Variants in AIM2 observed in about 807,000 individuals in gnomAD.
AIM2 encodes absent in melanoma 2, also known as interferon-inducible protein AIM2.
In AIM2, 30 loss-of-function variants were observed where a neutral mutation model predicts 27.7. The ratio of observed to expected loss-of-function variants is 1.08; its 90% confidence interval spans 0.81 to 1.47. The LOEUF (loss-of-function observed/expected upper bound fraction) is 1.47. Among genes scored for constraint, AIM2 ranks in the 40% most tolerant of loss-of-function variants. The probability of loss-of-function intolerance (pLI) is 0.00; values close to 1 mark genes in which losing one functional copy is unlikely to be tolerated. For missense variants in AIM2, 358 were observed against 411.3 expected (o/e 0.87, Z 1.12); for synonymous variants, 141 against 145.3 (o/e 0.97, Z 0.21).
At chr1:159,094,129 AT>A (rs1308333176) in intron 1 of AIM2, among the ~76,000 whole-genome samples, 1 of 152,222 alleles carries the variant, frequency 6.6e-6, no homozygotes, top group East Asian at 1.9e-4. Flanking sequence ...AAGACACAAA[AT>A]TTAGTCGTAA....
At chr1:159,056,859 G>T in the AIM2 span, among the ~76,000 whole-genome samples, 1 of 151,772 alleles carries the variant, frequency 6.6e-6, no homozygotes, top group Non-Finnish European at 1.5e-5. Flanking sequence ...TGCATCTGAC[G>T]GGAGTGTCCC....
chr1:159,146,458 C>T (rs1160756683), intron 1 of AIM2, among the ~76,000 whole-genome samples: 5 of 152,074 alleles, frequency 3.3e-5, no homozygotes, highest in Non-Finnish European at 7.4e-5. Flanking sequence ...CTCCTTCTTC[C>T]TTGGGGTATA....
chr1:159,066,089 A>AAT lies in AIM2; in HGVS notation c.635_636dup (p.Tyr213IlefsTer8), dbSNP rs765563535. ...ACCTCTAAGAAACCACTGTGCCGAT[A>AAT]ATATCTTGCTATTATAATTATTCTC... is the stretch of plus-strand genomic sequence containing the variant. On this transcript the variant is annotated frameshift_variant, in exon 4 of 6. Coordinates refer to ENST00000368130, the MANE Select transcript of AIM2 (RefSeq NM_004833.3). LOFTEE classifies it high-confidence loss of function. 61 of 1,614,078 alleles carry AAT rather than the reference A, an allele frequency of 3.8e-5. No individual in the cohort carries two copies. In the East Asian group the frequency reaches 1.3e-3, roughly 35 times the overall value.
chr1:159,146,062 C>T (rs542129281), intron 1 of AIM2, among the ~76,000 whole-genome samples: 9 of 151,274 alleles, frequency 5.9e-5, no homozygotes, highest in East Asian at 3.9e-4. Context: ...AGCAAGATCA[C>T]GCCACTGCAC....
At chr1:159,055,910 C>T in the AIM2 span, among the ~76,000 whole-genome samples, 3 of 152,130 alleles carry the variant, frequency 2.0e-5, no homozygotes, top group African/African-American at 7.2e-5. Flanking sequence ...AAGTCACTTT[C>T]TTAATGACCC....
intron 1 of AIM2, among the ~76,000 whole-genome samples, chr1:159,090,586 A>G (rs1201622968): frequency 6.6e-6 from 1 of 152,186 alleles, no homozygotes; most frequent in East Asian, 1.9e-4. Flanking sequence ...AATGCCTTCT[A>G]TGGACACTTC....
At chr1:159,063,046 T>C (rs1570934502) in intron 5 of AIM2, among the ~76,000 whole-genome samples, 1 of 152,058 alleles carries the variant, frequency 6.6e-6, no homozygotes, top group African/African-American at 2.4e-5. Context: ...GAGGGTGTGG[T>C]GGAAGGTCAA....
chr1:159,131,379 A>G (rs1454428995), intron 1 of AIM2, among the ~76,000 whole-genome samples: 3 of 152,232 alleles, frequency 2.0e-5, no homozygotes, highest in African/African-American at 7.2e-5. Context: ...ATGTGTGTGT[A>G]TACATATATA....
intron 1 of AIM2, among the ~76,000 whole-genome samples, chr1:159,133,103 C>A (rs1647935373): frequency 6.6e-6 from 1 of 152,194 alleles, no homozygotes; most frequent in South Asian, 2.1e-4. Flanking sequence ...ACTGCTAATG[C>A]CTTCTCTGGC....
chr1:159,087,783 G>A (rs1218249070), intron 1 of AIM2, among the ~76,000 whole-genome samples: 1 of 152,092 alleles, frequency 6.6e-6, no homozygotes, highest in East Asian at 1.9e-4. Flanking sequence ...ACGTTGGCCA[G>A]GCTAGTCTTG....
At chr1:159,135,119 T>C (rs867529881) in intron 1 of AIM2, among the ~76,000 whole-genome samples, 15 of 152,206 alleles carry the variant, frequency 9.9e-5, no homozygotes, top group African/African-American at 3.4e-4. Context: ...GTCTCATTTG[T>C]TCATCATTGT....
At chr1:159,132,194 C>CAAAAAAAAAAAAAAAAAAA (rs71086905) in intron 1 of AIM2, 1 of 99,462 alleles carries the variant, frequency 1.0e-5, no homozygotes, top group Non-Finnish European at 2.0e-5. Flanking sequence ...CTAGAAATAC[C>CAAAAAAAAAAAAAAAAAAA]AAAAAAAAAA....
chr1:159,067,715 A>G (rs896429613), intron 3 of AIM2, among the ~76,000 whole-genome samples: 2 of 152,206 alleles, frequency 1.3e-5, no homozygotes, highest in African/African-American at 4.8e-5. Context: ...TTCTGGGCCA[A>G]ACCCAGAGGA....
chr1:159,073,154 G>T, intron 2 of AIM2, 84 bp downstream of exon 2: 1 of 1,529,498 alleles, frequency 6.5e-7, no homozygotes, highest in Non-Finnish European at 9.0e-7. Flanking sequence ...GTGCACTGGG[G>T]GTCATATCCC....
intron 1 of AIM2, among the ~76,000 whole-genome samples, chr1:159,131,493 A>G (rs944602592): frequency 6.6e-6 from 1 of 152,234 alleles, no homozygotes; most frequent in African/African-American, 2.4e-5. Context: ...TTATTTAATG[A>G]AAATCTAGAA....
chr1:159,097,019 A>G (rs912577890), intron 1 of AIM2, among the ~76,000 whole-genome samples: 1 of 152,116 alleles, frequency 6.6e-6, no homozygotes, highest in Non-Finnish European at 1.5e-5. Context: ...ATTGTAAAAA[A>G]GAAAATAAAG....
rs955537360 is a variant in AIM2, at chr1:159,063,418, G to T, written c.1005+68C>A. ...ATATCCTGTTCAATGGCTCCAGTCC[G>T]GCTTTCTGATAGAAAACAAAAAATA... is the stretch of plus-strand genomic sequence containing the variant. On this transcript the variant is annotated intron_variant, in intron 5 of 5. Coordinates refer to ENST00000368130, the MANE Select transcript of AIM2 (RefSeq NM_004833.3). 1.3e-5 allele frequency: 19 copies of T among 1,455,842 alleles called. No individual in the cohort carries two copies. In the East Asian group the frequency reaches 1.8e-4, roughly 14 times the overall value. The allele number at this position is 1,455,842 out of a possible 1,614,324, so 90.2% of individuals were successfully genotyped here.
upstream of AIM2, among the ~76,000 whole-genome samples, chr1:159,078,869 C>G (rs1470736214): frequency 6.6e-6 from 1 of 152,130 alleles, no homozygotes; most frequent in Non-Finnish European, 1.5e-5. Flanking sequence ...TAGCAACTGG[C>G]CCAAGAAGGG....
At chr1:159,063,847 A>G (rs1655961054) in intron 4 of AIM2, among the ~76,000 whole-genome samples, 173 bp from the exon 5 acceptor site, 1 of 152,152 alleles carries the variant, frequency 6.6e-6, no homozygotes, top group African/African-American at 2.4e-5. Context: ...TGTCTCTGCC[A>G]CCCCAAGATG....
Sources: gnomAD v4.1 joint callset for allele counts (sites outside exome capture counted in the v4.1 genomes callset) on GRCh38, gnomAD v4.1.1 for gene constraint, MANE v1.5 for transcripts, NCBI Gene and HGNC (gene_info 2026-07-23, HGNC 2026-07-21) for gene names.